Variants in ANK3 observed in about 807,000 individuals in gnomAD.
ANK3 encodes the protein ankyrin-3.
In ANK3, 57 loss-of-function variants were observed where a neutral mutation model predicts 370.9. The observed-to-expected ratio is 0.15, with a 90% CI of 0.12 to 0.19. The LOEUF (loss-of-function observed/expected upper bound fraction) is 0.19. Among genes scored for constraint, ANK3 ranks in the 10% least tolerant of loss-of-function variants. ANK3 has a pLI of 1.00. For missense variants in ANK3, 4,439 were observed against 5,302.1 expected, an observed-to-expected ratio of 0.84 and a Z score of 5.06; for synonymous variants, 1,929 against 1,946.3, an observed-to-expected ratio of 0.99 and a Z score of 0.23.
intron 2 of ANK3, among the ~76,000 whole-genome samples, chr10:60,547,740 G>A (rs1028059861): frequency 2.1e-4 from 32 of 152,100 alleles, no homozygotes; most frequent in Middle Eastern, 3.4e-3. Flanking sequence ...GAATAGGGAG[G>A]AGAATTGCCC....
intron 1 of ANK3, among the ~76,000 whole-genome samples, chr10:60,336,090 C>CTGGGGGGG (rs537711980): frequency 6.7e-6 from 1 of 148,692 alleles, no homozygotes; most frequent in African/African-American, 2.5e-5. Flanking sequence ...CATAGTTTGG[C>CTGGGGGGG]GGGGGGGGGA....
At chr10:60,470,735 G>A (rs2065197235) in intron 2 of ANK3, among the ~76,000 whole-genome samples, 1 of 152,022 alleles carries the variant, frequency 6.6e-6, no homozygotes, top group Admixed American at 6.6e-5. Context: ...CCAATAGTTG[G>A]GAGTGGGAGG....
At chr10:60,340,490 C>T (rs1434582450) in intron 1 of ANK3, among the ~76,000 whole-genome samples, 1 of 152,100 alleles carries the variant, frequency 6.6e-6, no homozygotes, top group African/African-American at 2.4e-5. Flanking sequence ...CAGCTCACTG[C>T]AATCTCTTCC....
At chr10:60,553,130 T>C (rs769787480) in intron 2 of ANK3, among the ~76,000 whole-genome samples, 11 of 152,184 alleles carry the variant, frequency 7.2e-5, no homozygotes, top group Non-Finnish European at 1.5e-4. Context: ...ATTACAATTA[T>C]TGAAATTTAA....
At chr10:60,121,010 T>C (rs2093432682) in intron 25 of ANK3, among the ~76,000 whole-genome samples, 1 of 152,160 alleles carries the variant, frequency 6.6e-6, no homozygotes, top group South Asian at 2.1e-4. Flanking sequence ...TGCACGCCCA[T>C]GTTTATTGCA....
At chr10:60,580,068 ATAT>A (rs1567161704) in intron 2 of ANK3, among the ~76,000 whole-genome samples, 1 of 152,188 alleles carries the variant, frequency 6.6e-6, no homozygotes, top group Admixed American at 6.5e-5. Flanking sequence ...TAAGAAAAAA[ATAT>A]TATGCTGTGT....
chr10:60,238,722 A>T (rs1014410865), intron 7 of ANK3, among the ~76,000 whole-genome samples: 3 of 152,116 alleles, frequency 2.0e-5, no homozygotes, highest in Admixed American at 1.3e-4. Flanking sequence ...GCAGCCTTCC[A>T]CTGAGGAATC....
At chr10:60,380,677 G>T (rs560150825) in intron 1 of ANK3, among the ~76,000 whole-genome samples, 1 of 152,062 alleles carries the variant, frequency 6.6e-6, no homozygotes, top group African/African-American at 2.4e-5. Flanking sequence ...ATATACTTTT[G>T]CTGTTGGATG....
At chr10:60,318,565 C>G (rs7072072) in intron 1 of ANK3, among the ~76,000 whole-genome samples, 2 of 151,956 alleles carry the variant, frequency 1.3e-5, no homozygotes. Context: ...GACCAGGTAG[C>G]CTCAATGTCA....
intron 23 of ANK3, among the ~76,000 whole-genome samples, chr10:60,141,339 A>T (rs2094546593): frequency 6.6e-6 from 1 of 152,112 alleles, no homozygotes. Context: ...GAGGAAGTGC[A>T]AAGCAAAGGG....
At chr10:60,459,213 TAA>T (rs1343954181) in intron 2 of ANK3, among the ~76,000 whole-genome samples, 4 of 152,174 alleles carry the variant, frequency 2.6e-5, no homozygotes, top group Non-Finnish European at 4.4e-5. Flanking sequence ...GGTAAAAGGT[TAA>T]GTCTCTTGGT....
intron 23 of ANK3, among the ~76,000 whole-genome samples, chr10:60,143,531 T>C (rs1366335779): frequency 2.0e-5 from 3 of 152,230 alleles, no homozygotes; most frequent in Non-Finnish European, 4.4e-5. Context: ...TATTTTCACT[T>C]ACTAAAAAGG....
At chr10:60,445,591 T>C (rs1169548148) in intron 2 of ANK3, among the ~76,000 whole-genome samples, 1 of 151,628 alleles carries the variant, frequency 6.6e-6, no homozygotes, top group Non-Finnish European at 1.5e-5. Flanking sequence ...TAAACACCAT[T>C]TATATTTGTA....
chr10:60,540,887 T>C (rs2076831998), intron 2 of ANK3, among the ~76,000 whole-genome samples: 1 of 151,872 alleles, frequency 6.6e-6, no homozygotes, highest in African/African-American at 2.4e-5. Flanking sequence ...CATATCAAAA[T>C]TTCACTCCAA....
chr10:60,449,000 G>A (rs1424262274), intron 2 of ANK3, among the ~76,000 whole-genome samples: 1 of 152,040 alleles, frequency 6.6e-6, no homozygotes, highest in Non-Finnish European at 1.5e-5. Context: ...CATCTCAAAG[G>A]GTCAGTAAAA....
intron 1 of ANK3, among the ~76,000 whole-genome samples, chr10:60,660,462 A>T (rs1284217002): frequency 2.0e-5 from 3 of 152,154 alleles, no homozygotes; most frequent in Admixed American, 2.0e-4. Context: ...TTATGCATAT[A>T]CTTATCATTT....
chr10:60,474,361 C>A (rs1381071840), intron 2 of ANK3, among the ~76,000 whole-genome samples: 1 of 152,032 alleles, frequency 6.6e-6, no homozygotes, highest in Non-Finnish European at 1.5e-5. Context: ...GATTCTAATG[C>A]CAGAGGGCAG....
intron 2 of ANK3, among the ~76,000 whole-genome samples, chr10:60,443,676 C>T (rs1347180577): frequency 6.6e-6 from 1 of 152,054 alleles, no homozygotes; most frequent in Admixed American, 6.6e-5. Context: ...TTTGACATTC[C>T]AAGGAGAGTA....
chr10:60,596,898 C>T (rs1309041058), intron 2 of ANK3, among the ~76,000 whole-genome samples: 3 of 152,032 alleles, frequency 2.0e-5, no homozygotes, highest in Non-Finnish European at 2.9e-5. Flanking sequence ...TAGACTGGGA[C>T]ATTAGAAACC....
Sources: gnomAD v4.1 joint callset for allele counts (sites outside exome capture counted in the v4.1 genomes callset) on GRCh38, gnomAD v4.1.1 for gene constraint, MANE v1.5 for transcripts, NCBI Gene and HGNC (gene_info 2026-07-23, HGNC 2026-07-21) for gene names.